Variants in TMEM108 observed in about 807,000 individuals in gnomAD.
TMEM108 encodes the protein cancer/testis antigen 124.
TMEM108 carries 12 observed loss-of-function variants against 35.1 expected under a neutral mutation model. The observed-to-expected ratio is 0.34, with a 90% CI of 0.22 to 0.55. The LOEUF is 0.55. TMEM108 is among the 20% of genes least tolerant of loss of function. The pLI is 0.89. For missense variants in TMEM108, 680 were observed against 753.3 expected, an observed-to-expected ratio of 0.90 and a Z score of 1.14; for synonymous variants, 287 against 308.6, an observed-to-expected ratio of 0.93 and a Z score of 0.73.
intron 2 of TMEM108, among the ~76,000 whole-genome samples, chr3:133,080,848 T>G (rs1943800525): frequency 6.6e-6 from 1 of 152,168 alleles, no homozygotes; most frequent in Non-Finnish European, 1.5e-5. Context: ...CTTGCGTGAA[T>G]GAAAGCTTAG....
chr3:133,126,036 C>A (rs752090812), intron 2 of TMEM108, among the ~76,000 whole-genome samples: 1 of 152,108 alleles, frequency 6.6e-6, no homozygotes, highest in Non-Finnish European at 1.5e-5. Context: ...AATTTGTAAG[C>A]CAAATGCCAA....
At chr3:133,181,096 A>C (rs1945337463) in intron 2 of TMEM108, among the ~76,000 whole-genome samples, 2 of 148,978 alleles carry the variant, frequency 1.3e-5, no homozygotes, top group African/African-American at 4.9e-5. Context: ...CCTTTTCTCA[A>C]TTGTCTTTCG....
chr3:133,139,476 A>G (rs1185282125), intron 2 of TMEM108, among the ~76,000 whole-genome samples: 1 of 152,218 alleles, frequency 6.6e-6, no homozygotes, highest in East Asian at 1.9e-4. Context: ...TAGATGACCC[A>G]TAGTGTATGA....
intron 2 of TMEM108, among the ~76,000 whole-genome samples, chr3:133,218,351 G>C (rs1356411997): frequency 1.3e-5 from 2 of 151,954 alleles, no homozygotes; most frequent in Admixed American, 6.6e-5. Context: ...TCTGCAGACA[G>C]AGACATTTAA....
intron 2 of TMEM108, among the ~76,000 whole-genome samples, chr3:133,179,040 A>C (rs1175918272): frequency 1.3e-5 from 2 of 152,056 alleles, no homozygotes; most frequent in African/African-American, 2.4e-5. Context: ...ATGCAGCCAA[A>C]AGACACATGA....
chr3:133,250,636 A>C (rs556744831), intron 3 of TMEM108, among the ~76,000 whole-genome samples: 1 of 152,332 alleles, frequency 6.6e-6, no homozygotes, highest in Admixed American at 6.5e-5. Context: ...CCACTTGTAC[A>C]GTTAGCAGCA....
At chr3:133,102,472 T>G (rs1944100684) in intron 2 of TMEM108, among the ~76,000 whole-genome samples, 1 of 152,202 alleles carries the variant, frequency 6.6e-6, no homozygotes, top group Non-Finnish European at 1.5e-5. Context: ...TAGCTGCTGC[T>G]CCTGTGTGCT....
chr3:133,395,787 A>T, intron 5 of TMEM108, 77 bp from the exon 6 acceptor site: 1 of 1,399,562 alleles, frequency 7.1e-7, no homozygotes, highest in Non-Finnish European at 9.4e-7. Flanking sequence ...AAATGTTCCC[A>T]TGTGTACATT....
intron 2 of TMEM108, among the ~76,000 whole-genome samples, chr3:133,175,800 A>AG (rs1553743845): frequency 2.2e-5 from 3 of 137,166 alleles, no homozygotes; most frequent in Non-Finnish European, 4.8e-5. Context: ...TCATAATGAC[A>AG]GATCAAATTC....
At chr3:133,352,111 A>T (rs1256012239) in intron 3 of TMEM108, among the ~76,000 whole-genome samples, 1 of 152,132 alleles carries the variant, frequency 6.6e-6, no homozygotes, top group Non-Finnish European at 1.5e-5. Flanking sequence ...CTTATTTACA[A>T]ATTTATTTTC....
chr3:133,061,712 C>G (rs764988449), intron 2 of TMEM108, among the ~76,000 whole-genome samples: 6 of 152,054 alleles, frequency 3.9e-5, no homozygotes, highest in Non-Finnish European at 7.4e-5. Context: ...TCCTTGTTCC[C>G]TAGGAATTTA....
chr3:133,107,455 GGT>G (rs59305794), intron 2 of TMEM108, among the ~76,000 whole-genome samples: 38,657 of 143,264 alleles, frequency 0.27, 5,394 homozygotes, highest in East Asian at 0.41. Flanking sequence ...AAGTGTATGT[GGT>G]GTGTGTGTGT....
chr3:133,381,192 C>T, intron 4 of TMEM108, 31 bp downstream of exon 4: 1 of 1,548,216 alleles, frequency 6.5e-7, no homozygotes, highest in Middle Eastern at 1.8e-4. Flanking sequence ...CCCATCCTCT[C>T]CCTCTACCAC....
At chr3:133,262,108 C>A (rs541841136) in intron 3 of TMEM108, among the ~76,000 whole-genome samples, 2 of 152,270 alleles carry the variant, frequency 1.3e-5, no homozygotes, top group Admixed American at 1.3e-4. Context: ...AATATTCTGC[C>A]TCCACTCAGC....
At chr3:133,168,756 T>C (rs1297311569) in intron 2 of TMEM108, among the ~76,000 whole-genome samples, 1 of 152,184 alleles carries the variant, frequency 6.6e-6, no homozygotes, top group East Asian at 1.9e-4. Context: ...GTTCTTTCGC[T>C]CTTTGCAATA....
At chr3:133,198,432 G>C (rs191351705) in intron 2 of TMEM108, among the ~76,000 whole-genome samples, 3 of 152,158 alleles carry the variant, frequency 2.0e-5, no homozygotes, top group Admixed American at 6.5e-5. Context: ...AAGAGGATGG[G>C]GTACCCCCTG....
intron 3 of TMEM108, among the ~76,000 whole-genome samples, chr3:133,276,382 G>A (rs1192494787): frequency 2.6e-5 from 4 of 152,166 alleles, no homozygotes; most frequent in Non-Finnish European, 4.4e-5. Flanking sequence ...GATGGTTAAG[G>A]AGAATGGAAA....
intron 3 of TMEM108, among the ~76,000 whole-genome samples, chr3:133,237,577 C>A (rs983158181): frequency 3.9e-5 from 6 of 152,242 alleles, no homozygotes; most frequent in Non-Finnish European, 4.4e-5. Context: ...CCCTAGGGAC[C>A]CCTGAGGCTT....
At chr3:133,366,300 G>A (rs1273199637) in intron 3 of TMEM108, among the ~76,000 whole-genome samples, 1 of 152,226 alleles carries the variant, frequency 6.6e-6, no homozygotes, top group Admixed American at 6.5e-5. Flanking sequence ...GAATGAGATA[G>A]TAGCAGCTGA....
Sources: allele counts gnomAD v4.1 joint callset (sites outside exome capture counted in the v4.1 genomes callset), GRCh38; gene constraint gnomAD v4.1.1; transcripts MANE v1.5; gene names NCBI Gene and HGNC (gene_info 2026-07-23, HGNC 2026-07-21).